The following CREB3L2 variants were observed in gnomAD, a reference collection of about 807,000 sequenced individuals.
The protein encoded by CREB3L2 is cAMP responsive element binding protein 3 like 2.
In CREB3L2, 23 loss-of-function variants were observed where a neutral mutation model predicts 57.2. The ratio of observed to expected loss-of-function variants is 0.40; its 90% CI spans 0.29 to 0.57. The LOEUF is 0.57. Ranked by LOEUF, CREB3L2 falls within the 20% of genes least tolerant of loss-of-function variation. The pLI is 0.42. For synonymous variants in CREB3L2, 268 were observed against 265.1 expected (o/e 1.01, Z -0.11); for missense variants, 628 against 634.7 (o/e 0.99, Z 0.11).
chr7:137,974,773 T>C (rs953866881), intron 1 of CREB3L2, among the ~76,000 whole-genome samples: 13 of 152,290 alleles, frequency 8.5e-5, no homozygotes, highest in African/African-American at 3.1e-4. Context: ...GAACGGCTCC[T>C]AGGTGCCTGG....
At chr7:137,884,113 C>T (rs1243365767) in intron 10 of CREB3L2, among the ~76,000 whole-genome samples, 4 of 152,316 alleles carry the variant, frequency 2.6e-5, no homozygotes, top group African/African-American at 9.6e-5. Flanking sequence ...TCACGCCACT[C>T]TCCTGCCTCA....
intron 1 of CREB3L2, among the ~76,000 whole-genome samples, chr7:137,959,841 T>C (rs1455709908): frequency 6.6e-6 from 1 of 152,232 alleles, no homozygotes; most frequent in East Asian, 1.9e-4. Flanking sequence ...TAAGGTAATG[T>C]AATTACTGGT....
intron 1 of CREB3L2, among the ~76,000 whole-genome samples, chr7:137,987,838 A>G (rs767511959): frequency 2.0e-4 from 31 of 152,164 alleles, no homozygotes; most frequent in African/African-American, 7.2e-4. Context: ...GACATAAGCC[A>G]CCACACCTTT....
chr7:137,946,365 G>T (rs1563262014), intron 1 of CREB3L2, among the ~76,000 whole-genome samples: 2 of 148,880 alleles, frequency 1.3e-5, no homozygotes, highest in Non-Finnish European at 3.0e-5. Context: ...GTCTAGAAAT[G>T]AGAAAAATTT....
chr7:137,952,331 A>G (rs1801117999), intron 1 of CREB3L2, among the ~76,000 whole-genome samples: 1 of 152,008 alleles, frequency 6.6e-6, no homozygotes, highest in Non-Finnish European at 1.5e-5. Context: ...CTTGTGTTTG[A>G]TTTCTATTAA....
intron 1 of CREB3L2, among the ~76,000 whole-genome samples, chr7:137,999,121 T>C (rs1200572090): frequency 6.6e-6 from 1 of 152,050 alleles, no homozygotes; most frequent in Non-Finnish European, 1.5e-5. Context: ...CACAGTCTCA[T>C]GAAAATGCAC....
At chr7:137,887,152 T>C (rs966104100) in intron 8 of CREB3L2, among the ~76,000 whole-genome samples, 1 of 152,216 alleles carries the variant, frequency 6.6e-6, no homozygotes. Context: ...GTTCACAGAA[T>C]GCTGTGGGCT....
At chr7:137,958,752 A>G (rs1441204008) in intron 1 of CREB3L2, among the ~76,000 whole-genome samples, 1 of 152,178 alleles carries the variant, frequency 6.6e-6, no homozygotes, top group Non-Finnish European at 1.5e-5. Flanking sequence ...ATCCAGGGCC[A>G]CCTGAAGAGC....
At chr7:137,918,507 T>C (rs1484689370) in intron 2 of CREB3L2, among the ~76,000 whole-genome samples, 1 of 151,986 alleles carries the variant, frequency 6.6e-6, no homozygotes, top group Non-Finnish European at 1.5e-5. Context: ...AAGTCAACAC[T>C]TAAAGCCTGC....
chr7:137,911,841 C>G (rs1162950594), intron 4 of CREB3L2, among the ~76,000 whole-genome samples: 1 of 151,870 alleles, frequency 6.6e-6, no homozygotes, highest in Non-Finnish European at 1.5e-5. Context: ...CTGTTTCACA[C>G]ACAAAAAATA....
intron 1 of CREB3L2, among the ~76,000 whole-genome samples, chr7:137,990,559 G>A (rs1440861945): frequency 1.3e-5 from 2 of 152,174 alleles, no homozygotes; most frequent in Non-Finnish European, 2.9e-5. Flanking sequence ...CCTCGAATTG[G>A]AGGAAGGACC....
chr7:137,988,701 A>G (rs909818599), intron 1 of CREB3L2, among the ~76,000 whole-genome samples: 2 of 152,218 alleles, frequency 1.3e-5, no homozygotes, highest in African/African-American at 4.8e-5. Flanking sequence ...AGAACTGCAA[A>G]TGACACAGTC....
intron 1 of CREB3L2, among the ~76,000 whole-genome samples, chr7:137,932,920 G>A (rs987047179): frequency 7.2e-5 from 11 of 152,196 alleles, no homozygotes; most frequent in South Asian, 2.1e-4. Context: ...CTCCTAAGCC[G>A]TCGCTTCTGA....
At position 138,001,404 on chromosome 7, in the gene CREB3L2, C is replaced by T. The variant is rs1802073278; in HGVS notation, c.102+200G>A. Among the ~76,000 whole-genome samples, 1 of 152,202 alleles carries T rather than the reference C, an allele frequency of 6.6e-6. No homozygotes were observed. The highest frequency in any genetic ancestry group is 1.5e-5 in the Non-Finnish European group (1 of 68,024). On this transcript the variant is annotated intron_variant, in intron 1 of 11. Coordinates refer to ENST00000330387, the MANE Select transcript of CREB3L2 (RefSeq NM_194071.4). This position sits in a 1 kb window ranked among gnomAD's most constrained non-coding sequence, Gnocchi z 4.2. ...GTTAAAGGAATACAAAGTGGCATTA[C>T]TCTCATGAGAAATGTAAAGGGGCCA...
At chr7:137,956,470 T>C (rs940289655) in intron 1 of CREB3L2, 20 of 453,580 alleles carry the variant, frequency 4.4e-5, no homozygotes, top group Non-Finnish European at 8.0e-5. Context: ...TAGAATTAAT[T>C]TGAAGTCAAT....
intron 1 of CREB3L2, among the ~76,000 whole-genome samples, chr7:137,950,690 C>T (rs1801078075): frequency 6.6e-6 from 1 of 151,368 alleles, no homozygotes; most frequent in Non-Finnish European, 1.5e-5. Flanking sequence ...AACAAACAAA[C>T]AAAAGGACAT....
At chr7:137,962,649 C>T (rs973955264) in intron 1 of CREB3L2, among the ~76,000 whole-genome samples, 1 of 152,040 alleles carries the variant, frequency 6.6e-6, no homozygotes, top group East Asian at 1.9e-4. Flanking sequence ...CCACCCCCCA[C>T]CAGCATTCTC....
chr7:137,968,175 A>G (rs1801440702), intron 1 of CREB3L2, among the ~76,000 whole-genome samples: 1 of 150,278 alleles, frequency 6.7e-6, no homozygotes, highest in Non-Finnish European at 1.5e-5. Flanking sequence ...TGTCCTCCAC[A>G]GCTGATGTTG....
In CREB3L2 at chr7:137,980,676, T is replaced by A. The variant is rs1328902679; in HGVS notation, c.102+20928A>T. 6.6e-6 allele frequency among the ~76,000 whole-genome samples: 1 copy of A among 152,204 alleles called. No individual in the cohort carries two copies. Among genetic ancestry groups the A allele is most frequent in the Non-Finnish European group, 1.5e-5 (1 of 68,034 alleles). On this transcript the variant is annotated intron_variant, in intron 1 of 11. Coordinates refer to ENST00000330387, the MANE Select transcript of CREB3L2 (RefSeq NM_194071.4). The surrounding 1 kb of genome is among the most constrained non-coding windows in gnomAD (Gnocchi z 4.3). ...AAATACATGACATGGGATTTCTCCA[T>A]ACAGGCTCCAAAGCTGCTAGAGCTA...
Sources: allele counts gnomAD v4.1 joint callset (sites outside exome capture counted in the v4.1 genomes callset), GRCh38; gene constraint gnomAD v4.1.1; non-coding constraint Gnocchi (gnomAD v3.1); transcripts MANE v1.5; gene names NCBI Gene and HGNC (gene_info 2026-07-23, HGNC 2026-07-21).